CNTNAP5: variants seen among roughly 807,000 people sequenced by gnomAD.
The protein encoded by CNTNAP5 is contactin-associated protein-like 5.
In CNTNAP5, 72 loss-of-function variants were observed where a neutral mutation model predicts 150.2. That is an observed-to-expected ratio of 0.48 (90% CI 0.40 to 0.58). The LOEUF is 0.58. Ranked by LOEUF, CNTNAP5 falls within the 20% of genes least tolerant of loss-of-function variation. The pLI, the probability that CNTNAP5 is intolerant of heterozygous loss-of-function variation, is 0.00. For missense variants in CNTNAP5, 1,636 were observed against 1,626.2 expected, an observed-to-expected ratio of 1.01 and a Z score of -0.10; for synonymous variants, 672 against 619.8, an observed-to-expected ratio of 1.08 and a Z score of -1.25.
At chr2:124,156,616 C>T (rs532052536) in intron 1 of CNTNAP5, among the ~76,000 whole-genome samples, 1 of 152,168 alleles carries the variant, frequency 6.6e-6, no homozygotes, top group Non-Finnish European at 1.5e-5. Context: ...CTGTCTCAGC[C>T]TCCCAAGTAG....
intron 11 of CNTNAP5, among the ~76,000 whole-genome samples, chr2:124,598,889 T>C (rs1161172687): frequency 6.6e-6 from 1 of 152,072 alleles, no homozygotes; most frequent in Admixed American, 6.5e-5. Flanking sequence ...AATATTCGGG[T>C]GGGAGTGACC....
At chr2:124,788,075 T>G (rs1681637024) in intron 17 of CNTNAP5, among the ~76,000 whole-genome samples, 1 of 152,192 alleles carries the variant, frequency 6.6e-6, no homozygotes, top group African/African-American at 2.4e-5. Flanking sequence ...TGTGTAGACT[T>G]GAGCCTGAAG....
chr2:124,270,874 A>G (rs2104612420), intron 3 of CNTNAP5, among the ~76,000 whole-genome samples: 1 of 152,308 alleles, frequency 6.6e-6, no homozygotes, highest in East Asian at 1.9e-4. Flanking sequence ...TCCCACTGTT[A>G]GAATATGTAT....
chr2:124,241,449 C>T (rs922730297), intron 2 of CNTNAP5, among the ~76,000 whole-genome samples: 5 of 152,212 alleles, frequency 3.3e-5, no homozygotes, highest in African/African-American at 1.2e-4. Context: ...GATATGGCTG[C>T]ACTTGCCTCA....
At chr2:124,748,003 G>C (rs1039164976) in intron 14 of CNTNAP5, among the ~76,000 whole-genome samples, 1 of 151,438 alleles carries the variant, frequency 6.6e-6, no homozygotes, top group Admixed American at 6.6e-5. Context: ...ATTGAGCTTT[G>C]CGATTGAGTC....
At chr2:124,490,042 T>C (rs1693980756) in intron 7 of CNTNAP5, among the ~76,000 whole-genome samples, 1 of 152,002 alleles carries the variant, frequency 6.6e-6, no homozygotes, top group Non-Finnish European at 1.5e-5. Context: ...ACAGGCAGAG[T>C]GCAGTGGCTT....
chr2:124,655,945 G>GAAAGAAAGAAAGAAAGAAAGAAAGAA (rs1553427799), intron 13 of CNTNAP5, among the ~76,000 whole-genome samples: 7 of 55,520 alleles, frequency 1.3e-4, no homozygotes, highest in Admixed American at 2.4e-4. Context: ...GAGAGAGAGA[G>GAAAGAAAGAAAGAAAGAAAGAAAGAA]AGAAAGAAAG....
In CNTNAP5 at chr2:124,766,318, T is replaced by C. The variant is rs192542169; in HGVS notation, c.2533+2171T>C. On this transcript the variant is annotated intron_variant, in intron 16 of 23. Transcript: ENST00000682447. ...GAGGCAATTGACCATATCACTATAATGATGTGACTGCATGAAATACCCTTG... is the reference window on the plus strand; with the variant it reads ...GAGGCAATTGACCATATCACTATAACGATGTGACTGCATGAAATACCCTTG... 3.5e-3 allele frequency among the ~76,000 whole-genome samples: 527 copies of C among 151,916 alleles called. 7 individuals are homozygous for C. Among genetic ancestry groups the C allele is most frequent in the Non-Finnish European group, 5.6e-4 (38 of 67,996 alleles).
Position 124,650,385 on chromosome 2 carries a change from G to A in CNTNAP5, c.2077+2427G>A, listed in dbSNP as rs118158329. On this transcript the variant is annotated intron_variant, in intron 13 of 23. Transcript: ENST00000682447. ...TCACTGCCAGGACAGAAGCCACCTC[G>A]TCCCCCATGCATGTGAGCTCACCGT... 5.5e-4 allele frequency among the ~76,000 whole-genome samples: 84 copies of A among 152,226 alleles called. 2 individuals carry two copies. In the East Asian group the frequency reaches 0.015, roughly 28 times the overall value.
At chr2:124,239,401 T>G (rs547475187) in intron 2 of CNTNAP5, among the ~76,000 whole-genome samples, 2 of 152,152 alleles carry the variant, frequency 1.3e-5, no homozygotes, top group Admixed American at 1.3e-4. Context: ...AGAGAAACAG[T>G]TAAGGCTTAA....
At chr2:124,402,626 C>G (rs1691457296) in intron 3 of CNTNAP5, among the ~76,000 whole-genome samples, 1 of 152,142 alleles carries the variant, frequency 6.6e-6, no homozygotes, top group Admixed American at 6.5e-5. Context: ...TCAGTCATTC[C>G]CCTCTTGCCA....
Position 124,130,821 on chromosome 2 carries a change from C to T in CNTNAP5, c.83-90884C>T, listed in dbSNP as rs143938832. Among the ~76,000 whole-genome samples, 290 of 152,212 alleles carry T rather than the reference C, an allele frequency of 1.9e-3. 4 individuals are homozygous for T. In the East Asian group the frequency reaches 0.022, roughly 12 times the overall value. ...ATAGAGAATCTTCTCCTTTAGTGCT[C>T]GGTAATGTACTGTGGTCAGAGCAGA... is the stretch of plus-strand genomic sequence containing the variant. On this transcript the variant is annotated intron_variant, in intron 1 of 23. Coordinates refer to ENST00000682447, the MANE Select transcript of CNTNAP5 (RefSeq NM_001367498.1).
intron 18 of CNTNAP5, among the ~76,000 whole-genome samples, chr2:124,796,336 A>G (rs570227432): frequency 6.6e-6 from 1 of 152,340 alleles, no homozygotes; most frequent in African/African-American, 2.4e-5. Context: ...ACACACAAAT[A>G]TCAAATAAAA....
At position 124,025,582 on chromosome 2, in the gene CNTNAP5, C is replaced by A. The variant is rs932327916; in HGVS notation, c.-69C>A. 5.0e-6 allele frequency: 7 copies of A among 1,401,782 alleles called. No individual in the cohort carries two copies. Among genetic ancestry groups the A allele is most frequent in the Admixed American group, 1.7e-5 (1 of 59,674 alleles). The allele number at this position is 1,401,782 out of a possible 1,614,324, so 86.8% of individuals were successfully genotyped here. On this transcript the variant is annotated 5_prime_UTR_variant, in exon 1 of 24. Coordinates refer to ENST00000682447, the MANE Select transcript of CNTNAP5 (RefSeq NM_001367498.1). ...CAGGCTGTGCAGAGGAGAGAGACAG[C>A]GAGAAGAAGCCGCGGCTGGCTACTG...
At chr2:124,876,151 C>T (rs1435966112) in intron 21 of CNTNAP5, among the ~76,000 whole-genome samples, 1 of 152,020 alleles carries the variant, frequency 6.6e-6, no homozygotes, top group Non-Finnish European at 1.5e-5. Flanking sequence ...GGAAAGAAAA[C>T]CTCCCACTTT....
chr2:124,532,276 A>G (rs1695127111), intron 10 of CNTNAP5, among the ~76,000 whole-genome samples: 3 of 152,152 alleles, frequency 2.0e-5, no homozygotes, highest in Admixed American at 2.0e-4. Flanking sequence ...AAGAATATGC[A>G]ATATGTCAGA....
chr2:124,189,353 G>A (rs543591881), intron 1 of CNTNAP5, among the ~76,000 whole-genome samples: 4 of 152,178 alleles, frequency 2.6e-5, no homozygotes, highest in South Asian at 2.1e-4. Flanking sequence ...AATGACTCCC[G>A]GGGTCAATGC....
intron 19 of CNTNAP5, among the ~76,000 whole-genome samples, chr2:124,838,417 A>C (rs1284417120): frequency 1.3e-5 from 2 of 152,116 alleles, no homozygotes; most frequent in Admixed American, 6.6e-5. Flanking sequence ...CACAGGCTTA[A>C]GATTTGAACT....
At chr2:124,607,253 A>G (rs2104981168) in intron 11 of CNTNAP5, among the ~76,000 whole-genome samples, 1 of 152,156 alleles carries the variant, frequency 6.6e-6, no homozygotes, top group East Asian at 1.9e-4. Flanking sequence ...GCTGCAAAAA[A>G]GATGTCCACA....
Sources: allele counts gnomAD v4.1 joint callset (sites outside exome capture counted in the v4.1 genomes callset), GRCh38; gene constraint gnomAD v4.1.1; transcripts MANE v1.5; gene names NCBI Gene and HGNC (gene_info 2026-07-23, HGNC 2026-07-21).